The following DLG2 variants were observed in gnomAD, a reference collection of about 807,000 sequenced individuals.
DLG2 encodes discs large MAGUK scaffold protein 2, also known as disks large homolog 2.
DLG2 carries 45 observed loss-of-function variants against 132.5 expected under a neutral mutation model. The ratio of observed to expected loss-of-function variants is 0.34; its 90% CI spans 0.27 to 0.44. The LOEUF (loss-of-function observed/expected upper bound fraction) is 0.44. Among genes scored for constraint, DLG2 ranks in the 20% least tolerant of loss-of-function variants. The pLI is 1.00. For missense variants in DLG2, 1,045 were observed against 1,196.9 expected (o/e 0.87, Z 1.87); for synonymous variants, 424 against 419.6 (o/e 1.01, Z -0.13).
chr11:85,609,725 C>T (rs889770693), intron 2 of DLG2, among the ~76,000 whole-genome samples: 6 of 152,196 alleles, frequency 3.9e-5, no homozygotes, highest in African/African-American at 1.4e-4. Context: ...ATCACCCTCA[C>T]TGAGCCCCGG....
intron 6 of DLG2, among the ~76,000 whole-genome samples, chr11:84,630,943 T>C (rs1258691201): frequency 6.7e-6 from 1 of 148,562 alleles, no homozygotes; most frequent in Non-Finnish European, 1.5e-5. Flanking sequence ...ATGACGCCAA[T>C]TCTATGAACT....
intron 11 of DLG2, among the ~76,000 whole-genome samples, chr11:84,051,827 G>T (rs1356637651): frequency 2.0e-5 from 3 of 151,666 alleles, no homozygotes; most frequent in Admixed American, 6.6e-5. Context: ...TGGCAGTAGA[G>T]ATTTTAAAGA....
chr11:84,258,171 A>T (rs1435445492), intron 7 of DLG2, among the ~76,000 whole-genome samples: 1 of 152,240 alleles, frequency 6.6e-6, no homozygotes, highest in Non-Finnish European at 1.5e-5. Flanking sequence ...TGATGGCCCC[A>T]GCATACCCAG....
chr11:85,413,454 G>A (rs1221879718), intron 3 of DLG2, among the ~76,000 whole-genome samples: 1 of 151,814 alleles, frequency 6.6e-6, no homozygotes, highest in Non-Finnish European at 1.5e-5. Flanking sequence ...TTGTTTTTGG[G>A]TTCTTGGTCA....
At chr11:84,982,627 C>G (rs963288799) in intron 6 of DLG2, among the ~76,000 whole-genome samples, 2 of 152,092 alleles carry the variant, frequency 1.3e-5, no homozygotes, top group Admixed American at 6.6e-5. Context: ...CCTGGAAACA[C>G]AGCCAGAAAA....
chr11:85,508,174 TTTG>T, intron 3 of DLG2, among the ~76,000 whole-genome samples: 1 of 152,218 alleles, frequency 6.6e-6, no homozygotes, highest in South Asian at 2.1e-4. Flanking sequence ...CTCGGAGAAG[TTTG>T]TTATTACCAA....
At chr11:84,741,718 C>A (rs538693321) in intron 6 of DLG2, among the ~76,000 whole-genome samples, 1 of 151,820 alleles carries the variant, frequency 6.6e-6, no homozygotes, top group South Asian at 2.1e-4. Context: ...TTCCACCAGA[C>A]ACGTATAAGT....
chr11:84,651,193 T>C (rs2099681639), intron 6 of DLG2, among the ~76,000 whole-genome samples: 1 of 152,050 alleles, frequency 6.6e-6, no homozygotes, highest in Admixed American at 6.6e-5. Flanking sequence ...TAGAGCATCC[T>C]CTCCCTTCAT....
intron 7 of DLG2, among the ~76,000 whole-genome samples, chr11:84,373,251 A>AAAAAAAAAAC (rs2098713820): frequency 2.6e-5 from 2 of 75,790 alleles, no homozygotes; most frequent in African/African-American, 9.5e-5. Context: ...GAAACAGTCA[A>AAAAAAAAAAC]AAAAAAAAAA....
intron 19 of DLG2, chr11:83,632,469 A>G (rs960374932): frequency 2.6e-5 from 4 of 152,188 alleles, no homozygotes; most frequent in African/African-American, 9.6e-5. Context: ...TAGTACTTAT[A>G]TATTTTTAAA....
intron 21 of DLG2, among the ~76,000 whole-genome samples, chr11:83,503,332 G>GAT (rs1339252810): frequency 2.9e-4 from 26 of 89,338 alleles, no homozygotes; most frequent in Admixed American, 1.7e-3. Context: ...AACTAATTAG[G>GAT]ATATATATAT....
intron 3 of DLG2, among the ~76,000 whole-genome samples, chr11:85,498,359 C>A (rs1300726174): frequency 3.3e-5 from 5 of 152,164 alleles, no homozygotes; most frequent in African/African-American, 1.2e-4. Flanking sequence ...GTAAAGGTAT[C>A]AATTCAACAA....
chr11:83,480,463 G>T, intron 22 of DLG2: 2 of 1,518,622 alleles, frequency 1.3e-6, no homozygotes, highest in Non-Finnish European at 8.8e-7. Context: ...TTGAAGAGCA[G>T]CCAGAACGGA....
chr11:83,764,924 A>C (rs1001782146), intron 18 of DLG2, among the ~76,000 whole-genome samples: 5 of 152,206 alleles, frequency 3.3e-5, no homozygotes, highest in Admixed American at 6.5e-5. Flanking sequence ...ATAGGCTGAT[A>C]GGCCTGCCCT....
chr11:84,096,691 T>C (rs1894168), intron 10 of DLG2, among the ~76,000 whole-genome samples: 3,124 of 152,222 alleles, frequency 0.021, 100 homozygotes, highest in African/African-American at 0.07. Context: ...ACTTTAAAAA[T>C]AGAGCTTCTT....
chr11:83,526,804 C>T lies in DLG2; in HGVS notation c.2193+5904G>A, dbSNP rs142191757. ...TCTGTATCTTACTCCTAACCCCAGTCCCTATTTTCCTAATCCTTCAACGCC... is the reference window on the plus strand; with the variant it reads ...TCTGTATCTTACTCCTAACCCCAGTTCCTATTTTCCTAATCCTTCAACGCC... On this transcript the variant is annotated intron_variant, in intron 21 of 27. Coordinates refer to ENST00000376104, the MANE Select transcript of DLG2 (RefSeq NM_001142699.3). 3.5e-3 allele frequency among the ~76,000 whole-genome samples: 527 copies of T among 152,202 alleles called. 2 individuals are homozygous for T. The highest frequency in any genetic ancestry group is 0.012 in the African/African-American group (495 of 41,540).
At chr11:84,802,444 G>C (rs912811433) in intron 6 of DLG2, among the ~76,000 whole-genome samples, 1 of 152,096 alleles carries the variant, frequency 6.6e-6, no homozygotes, top group Non-Finnish European at 1.5e-5. Context: ...AGAAGAAATA[G>C]GGAGTTACAG....
Position 85,168,115 on chromosome 11 carries a change from T to G in DLG2, c.187-13464A>C, listed in dbSNP as rs527507500. On this transcript the variant is annotated intron_variant, in intron 4 of 27. Coordinates refer to ENST00000376104, the MANE Select transcript of DLG2 (RefSeq NM_001142699.3). Reference sequence around the variant, plus strand: ...ACCTTATTTGTTGATTCAATATACATGTATTAAATTGTATTACATGCAAAG... The same window carrying G: ...ACCTTATTTGTTGATTCAATATACAGGTATTAAATTGTATTACATGCAAAG... Among the ~76,000 whole-genome samples, 6 of 152,256 alleles carry G rather than the reference T, an allele frequency of 3.9e-5. No homozygotes were observed. In the East Asian group the frequency reaches 9.7e-4, roughly 24 times the overall value.
intron 6 of DLG2, among the ~76,000 whole-genome samples, chr11:84,770,695 C>T (rs113539642): frequency 1.2e-4 from 17 of 147,428 alleles, no homozygotes; most frequent in African/African-American, 4.2e-4. Context: ...GGCTGGAGTG[C>T]GGTGCAGTGG....
Sources: gnomAD v4.1 joint callset for allele counts (sites outside exome capture counted in the v4.1 genomes callset) on GRCh38, gnomAD v4.1.1 for gene constraint, MANE v1.5 for transcripts, NCBI Gene and HGNC (gene_info 2026-07-23, HGNC 2026-07-21) for gene names.